EHMT1: variants seen among roughly 807,000 people sequenced by gnomAD.
The protein encoded by EHMT1 is euchromatic histone lysine methyltransferase 1.
EHMT1 carries 15 observed loss-of-function variants against 147.2 expected under a neutral mutation model. The ratio of observed to expected loss-of-function variants is 0.10; its 90% CI spans 0.07 to 0.16. EHMT1 has a LOEUF of 0.16. Ranked by LOEUF, EHMT1 falls within the 10% of genes least tolerant of loss-of-function variation. The pLI, the probability that EHMT1 is intolerant of heterozygous loss-of-function variation, is 1.00. For missense variants in EHMT1, 1,587 were observed against 1,772.4 expected, an observed-to-expected ratio of 0.90 and a Z score of 1.88; for synonymous variants, 795 against 709.6, an observed-to-expected ratio of 1.12 and a Z score of -1.91.
chr9:137,724,935 G>GCATTCGTGTGGCAGGCTTGTGT (rs1392197561), intron 3 of EHMT1, among the ~76,000 whole-genome samples: 3 of 150,490 alleles, frequency 2.0e-5, no homozygotes, highest in Non-Finnish European at 4.4e-5. Flanking sequence ...CAGGCTTGTG[G>GCATTCGTGTGGCAGGCTTGTGT]CATTCGTGGG....
intron 9 of EHMT1, 133 bp from the exon 10 acceptor site, chr9:137,762,542 G>T: frequency 6.7e-7 from 1 of 1,490,800 alleles, no homozygotes; most frequent in Non-Finnish European, 9.1e-7. Flanking sequence ...AGGGCTGTTT[G>T]TGCTGGGTAA....
At chr9:137,632,935 G>A (rs992648856) in intron 1 of EHMT1, among the ~76,000 whole-genome samples, 6 of 152,198 alleles carry the variant, frequency 3.9e-5, no homozygotes, top group African/African-American at 1.4e-4. Flanking sequence ...TCAGGTTTGC[G>A]TGTTAGGCTC....
At chr9:137,703,602 C>G (rs1389728546) in intron 1 of EHMT1, among the ~76,000 whole-genome samples, 1 of 152,160 alleles carries the variant, frequency 6.6e-6, no homozygotes, top group Non-Finnish European at 1.5e-5. Context: ...TAAAGCATAG[C>G]AAGAGTGACT....
chr9:137,741,297 A>G (rs1204908094), intron 4 of EHMT1, among the ~76,000 whole-genome samples: 2 of 152,158 alleles, frequency 1.3e-5, no homozygotes, highest in East Asian at 1.9e-4. Flanking sequence ...TCTTAAGCAC[A>G]TGAAATGCAG....
intron 1 of EHMT1, among the ~76,000 whole-genome samples, chr9:137,642,635 C>T (rs1313857348): frequency 6.6e-6 from 1 of 152,162 alleles, no homozygotes; most frequent in African/African-American, 2.4e-5. Flanking sequence ...TATTACAATA[C>T]TATATGAAAT....
intron 1 of EHMT1, among the ~76,000 whole-genome samples, chr9:137,653,652 C>T (rs896945671): frequency 2.0e-5 from 3 of 152,092 alleles, no homozygotes; most frequent in Admixed American, 6.6e-5. Flanking sequence ...CCTCAGCCTC[C>T]CGAGTAGCTG....
At chr9:137,762,273 T>G (rs970379496) in intron 9 of EHMT1, among the ~76,000 whole-genome samples, 2 of 151,998 alleles carry the variant, frequency 1.3e-5, no homozygotes, top group Non-Finnish European at 2.9e-5. Context: ...TTTTTTTTTT[T>G]TGTGGCTGCC....
chr9:137,626,877 C>T (rs1843294441), intron 1 of EHMT1, among the ~76,000 whole-genome samples: 1 of 151,854 alleles, frequency 6.6e-6, no homozygotes, highest in South Asian at 2.1e-4. Context: ...TCTCTGCATC[C>T]TAGGTTCGAG....
At chr9:137,707,325 G>A (rs1396155153) in intron 1 of EHMT1, among the ~76,000 whole-genome samples, 1 of 152,224 alleles carries the variant, frequency 6.6e-6, no homozygotes, top group Admixed American at 6.5e-5. Flanking sequence ...AAACCTTCCC[G>A]AGCCTCCTGG....
intron 4 of EHMT1, among the ~76,000 whole-genome samples, chr9:137,739,603 G>A (rs1370441329): frequency 6.6e-6 from 1 of 152,058 alleles, no homozygotes; most frequent in Non-Finnish European, 1.5e-5. Context: ...GCAGGTCCCT[G>A]CTGGGTTCAT....
intron 6 of EHMT1, chr9:137,748,040 T>C (rs1188546479): frequency 6.6e-6 from 1 of 152,234 alleles, no homozygotes; most frequent in Non-Finnish European, 1.5e-5. Flanking sequence ...TTTATATTAT[T>C]AGTTAATTTT....
intron 1 of EHMT1, among the ~76,000 whole-genome samples, chr9:137,627,731 G>T (rs1331324356): frequency 2.7e-5 from 4 of 147,606 alleles, no homozygotes; most frequent in African/African-American, 1.0e-4. Flanking sequence ...ACAGAGTCTT[G>T]GTCTTGTCGC....
intron 23 of EHMT1, chr9:137,816,809 T>C (rs1270023607): frequency 5.8e-6 from 1 of 170,958 alleles, no homozygotes; most frequent in Admixed American, 5.5e-5. Flanking sequence ...GGCCTGGTGG[T>C]GAGGACCCAC....
chr9:137,835,720 A>G lies in EHMT1; in HGVS notation c.*767A>G, dbSNP rs1041345259. On this transcript the variant is annotated 3_prime_UTR_variant, in exon 27 of 27. Transcript: ENST00000460843. ...TACTGAACATTAGGACAAACACAAA[A>G]TAAAAAACAAAACACAGACAACGGT... 1.3e-5 allele frequency: 2 copies of G among 152,636 alleles called. No individual in the cohort carries two copies. Among genetic ancestry groups the G allele is most frequent in the African/African-American group, 2.4e-5 (1 of 41,452 alleles). 9.5% of individuals were successfully genotyped at this position (152,636 alleles called of 1,614,324 possible). A position where few individuals can be genotyped will look rare whatever the true frequency, so the allele number is the denominator to read the frequency against.
intron 10 of EHMT1, chr9:137,763,065 T>A: frequency 1.6e-6 from 1 of 613,380 alleles, no homozygotes; most frequent in Non-Finnish European, 2.9e-6. Flanking sequence ...GAAAATGGCC[T>A]GTTGTATTTC....
chr9:137,779,477 C>T lies in EHMT1; in HGVS notation c.2193-158C>T, dbSNP rs144913518. 8.7e-4 allele frequency among the ~76,000 whole-genome samples: 133 copies of T among 152,250 alleles called. 1 individual carries two copies. The East Asian group carries it at 0.016, about 18-fold the overall frequency. Reference sequence around the variant, plus strand: ...TGAGCTTGTGGGGCTGGTGGGCAGACGTCTGCCGGGCCTTCCAGCCTTCAG... The same window carrying T: ...TGAGCTTGTGGGGCTGGTGGGCAGATGTCTGCCGGGCCTTCCAGCCTTCAG... On this transcript the variant is annotated intron_variant, in intron 13 of 26. Transcript: ENST00000460843.
chr9:137,744,836 C>T (rs4298557), intron 6 of EHMT1, among the ~76,000 whole-genome samples: 22,207 of 152,306 alleles, frequency 0.15, 3,830 homozygotes, highest in African/African-American at 0.42. Flanking sequence ...AGGCCCCAGC[C>T]TTGTCACAGC....
At chr9:137,789,946 T>C (rs1019971831) in intron 15 of EHMT1, among the ~76,000 whole-genome samples, 14 of 152,198 alleles carry the variant, frequency 9.2e-5, no homozygotes, top group African/African-American at 3.4e-4. Context: ...GCCAGGCTGG[T>C]CTCGAACGCC....
intron 18 of EHMT1, among the ~76,000 whole-genome samples, chr9:137,809,046 G>T (rs957111460): frequency 6.6e-6 from 1 of 152,224 alleles, no homozygotes; most frequent in African/African-American, 2.4e-5. Flanking sequence ...GTATGGAGGA[G>T]GGAAGCCAGA....
Sources: gnomAD v4.1 joint callset for allele counts (sites outside exome capture counted in the v4.1 genomes callset) on GRCh38, gnomAD v4.1.1 for gene constraint, MANE v1.5 for transcripts, NCBI Gene and HGNC (gene_info 2026-07-23, HGNC 2026-07-21) for gene names.